Variants in MUSK observed in about 807,000 individuals in gnomAD.
MUSK encodes the protein muscle associated receptor tyrosine kinase, also known as muscle, skeletal receptor tyrosine-protein kinase.
In MUSK, 55 loss-of-function variants were observed where a neutral mutation model predicts 88.7. The observed-to-expected ratio is 0.62, with a 90% confidence interval of 0.50 to 0.78. The LOEUF (loss-of-function observed/expected upper bound fraction) is 0.78, where lower values mean the gene tolerates loss of function less well. Ranked by LOEUF, MUSK falls within the 30% of genes least tolerant of loss-of-function variation. The pLI, the probability that MUSK is intolerant of heterozygous loss-of-function variation, is 0.00. For missense variants in MUSK, 1,015 were observed against 1,074.3 expected (o/e 0.94, Z 0.77); for synonymous variants, 387 against 391.9 (o/e 0.99, Z 0.15).
intron 7 of MUSK, among the ~76,000 whole-genome samples, chr9:110,750,212 C>T (rs907300077): frequency 5.9e-5 from 9 of 152,094 alleles, no homozygotes; most frequent in Non-Finnish European, 1.2e-4. Context: ...AGGAGAGTCT[C>T]ATTTCAGGTC....
In MUSK at chr9:110,747,735, T is replaced by G; in HGVS notation, c.848T>G (p.Ile283Arg). Residue 283 changes from isoleucine (I) to arginine (R), a missense_variant, in exon 7 of 15, where the codon ATA (isoleucine) becomes AGA (arginine). By Grantham distance (97) the Ile-to-Arg change is moderately conservative. Transcript: ENST00000374448. ...FITKPGLYTC[I>R]ATNKHGEKFS... ...ACCAAGCCAGGACTCTACACATGCA[T>G]AGCTACCAATAAGCATGGGGAGAAG... 1 of 1,613,860 alleles carries G rather than the reference T, an allele frequency of 6.2e-7. No individual in the cohort carries two copies. The highest frequency in any genetic ancestry group is 8.5e-7 in the Non-Finnish European group (1 of 1,179,808).
chr9:110,689,986 TATA>T (rs1410963053), intron 3 of MUSK, among the ~76,000 whole-genome samples: 2 of 40,920 alleles, frequency 4.9e-5, no homozygotes, highest in African/African-American at 3.9e-4. Flanking sequence ...TTATAAATAT[TATA>T]ATTATATATT....
chr9:110,700,504 G>A (rs2076487369), intron 5 of MUSK, among the ~76,000 whole-genome samples: 1 of 152,040 alleles, frequency 6.6e-6, no homozygotes, highest in Admixed American at 6.6e-5. Context: ...TAGACAGGAG[G>A]TATTGACAAA....
chr9:110,785,633 T>C lies in MUSK; in HGVS notation c.1693T>C (p.Leu565=), dbSNP rs200787064. The C allele has an allele frequency of 6.9e-5, 111 of 1,613,306 alleles. No homozygotes were observed. The highest frequency in any genetic ancestry group is 2.9e-5 in the Non-Finnish European group (34 of 1,179,616). Residue 565 remains leucine, a synonymous_variant, in exon 13 of 15, where the codon TTG becomes CTG. Coordinates refer to ENST00000374448, the MANE Select transcript of MUSK (RefSeq NM_005592.4). The stretch of plus-strand genomic sequence containing the variant: ...GATGCCGCTCCTTCTGAACCCCAAA[T>C]TGCTCAGCCTGGAGTATCCAAGGAA... ...QRMPLLLNPK[L]LSLEYPRNNI... is the part of the protein sequence containing the mutation.
Position 110,800,449 on chromosome 9 carries a change from A to G in MUSK, c.2071A>G (p.Ser691Gly). The G allele has an allele frequency of 6.2e-7, 1 of 1,613,864 alleles. No individual in the cohort carries two copies. Among genetic ancestry groups the G allele is most frequent in the East Asian group, 2.2e-5 (1 of 44,838 alleles). Residue 691 changes from serine (S) to glycine (G), a missense_variant, in exon 15 of 15, where the codon AGC becomes GGC. Physicochemically the swap from Ser to Gly is moderately conservative, Grantham distance 56 (BLOSUM62 0). Coordinates refer to ENST00000374448, the MANE Select transcript of MUSK (RefSeq NM_005592.4). ...CTTGTCTATGAGGGCTCAGGTCTCC[A>G]GCCCTGGGCCCCCACCCCTCTCCTG... The part of the protein sequence containing the change: ...SDLSMRAQVS[S>G]PGPPPLSCAE...
At position 110,709,782 on chromosome 9, in the gene MUSK, A is replaced by T. The variant is rs569890531; in HGVS notation, c.628+12316A>T. On this transcript the variant is annotated intron_variant, in intron 5 of 14. Coordinates refer to ENST00000374448, the MANE Select transcript of MUSK (RefSeq NM_005592.4). ...GTATTAATTTTGGTTCTAGCAAAAG[A>T]ATAATAACCAACTTTAAATCTGCAA... 9.2e-5 allele frequency among the ~76,000 whole-genome samples: 14 copies of T among 152,306 alleles called. No homozygotes were observed. The South Asian group carries it at 2.9e-3, about 32-fold the overall frequency.
At chr9:110,704,150 T>C (rs1230479527) in intron 5 of MUSK, among the ~76,000 whole-genome samples, 1 of 152,248 alleles carries the variant, frequency 6.6e-6, no homozygotes, top group East Asian at 1.9e-4. Flanking sequence ...ATTTAACTTC[T>C]GACAATTTAT....
At chr9:110,776,792 A>G (rs1189449366) in intron 11 of MUSK, 137 bp downstream of exon 11, 6 of 701,450 alleles carry the variant, frequency 8.6e-6, no homozygotes, top group Middle Eastern at 2.5e-4. Context: ...ATACTCATCC[A>G]GGGTATAACA....
At chr9:110,683,731 C>G (rs553402636) in intron 2 of MUSK, among the ~76,000 whole-genome samples, 1 of 152,218 alleles carries the variant, frequency 6.6e-6, no homozygotes, top group Non-Finnish European at 1.5e-5. Flanking sequence ...CTCTGATGAT[C>G]AGTGATGTTG....
At chr9:110,681,061 A>ATAATATATTATATATTATATATAT in intron 1 of MUSK, among the ~76,000 whole-genome samples, 5 of 24,148 alleles carry the variant, frequency 2.1e-4, no homozygotes, top group Non-Finnish European at 2.9e-4. Context: ...TATATATTAT[A>ATAATATATTATATATTATATATAT]TATATAATAT....
chr9:110,682,654 G>T lies in MUSK; in HGVS notation c.80-20G>T, dbSNP rs755529672. On this transcript the variant is annotated intron_variant, in intron 1 of 14. Transcript: ENST00000374448. Reference sequence around the variant, plus strand: ...ACAAAATTCTAGAATGTTCTCTTTTGATTTCTCCTTTCCTTTCAGCTCCTG... The same window carrying T: ...ACAAAATTCTAGAATGTTCTCTTTTTATTTCTCCTTTCCTTTCAGCTCCTG... 5 of 1,608,350 alleles carry T rather than the reference G, an allele frequency of 3.1e-6. No homozygotes were observed. Among genetic ancestry groups the T allele is most frequent in the Non-Finnish European group, 4.2e-6 (5 of 1,177,134 alleles).
chr9:110,723,056 T>C (rs1321333023), intron 5 of MUSK, among the ~76,000 whole-genome samples: 1 of 152,034 alleles, frequency 6.6e-6, no homozygotes, highest in Non-Finnish European at 1.5e-5. Context: ...AAAGAAGTGA[T>C]TATACAAAAA....
chr9:110,770,517 T>C (rs973567559), intron 9 of MUSK, among the ~76,000 whole-genome samples: 9 of 147,296 alleles, frequency 6.1e-5, no homozygotes, highest in Non-Finnish European at 6.0e-5. Context: ...ATATATTATA[T>C]AGCTCACTAT....
At chr9:110,738,033 C>T (rs2077050383) in intron 6 of MUSK, among the ~76,000 whole-genome samples, 1 of 152,126 alleles carries the variant, frequency 6.6e-6, no homozygotes. Context: ...CTCCTGCTTA[C>T]AGCCCCTGCT....
intron 5 of MUSK, among the ~76,000 whole-genome samples, chr9:110,725,705 G>A (rs1483072138): frequency 2.6e-5 from 4 of 151,944 alleles, no homozygotes; most frequent in Non-Finnish European, 5.9e-5. Flanking sequence ...GGAAAATAAA[G>A]CAGCAACAAA....
rs796590211 is a variant in MUSK at position 110,694,385 on chromosome 9, C to CAAA, written c.359-999_359-997dup. Reference sequence around the variant, plus strand: ...TGGGCGACAGAGCGAGACTCCGTCTCAAAAAAAAAAAAAAAAAAAAACAAA... The same window carrying CAAA: ...TGGGCGACAGAGCGAGACTCCGTCTCAAAAAAAAAAAAAAAAAAAAAAAACAAA... On this transcript the variant is annotated intron_variant, in intron 3 of 14. Coordinates refer to ENST00000374448, the MANE Select transcript of MUSK (RefSeq NM_005592.4). 8.9e-4 allele frequency among the ~76,000 whole-genome samples: 46 copies of CAAA among 51,426 alleles called. 1 individual carries two copies. The highest frequency in any genetic ancestry group is 1.5e-3 in the East Asian group (2 of 1,342). The allele number at this position is 51,426 out of a possible 152,430, so 33.7% of individuals were successfully genotyped here. A position where few individuals can be genotyped will look rare whatever the true frequency, so the allele number is the denominator to read the frequency against.
intron 7 of MUSK, among the ~76,000 whole-genome samples, chr9:110,748,589 G>C (rs1303042427): frequency 6.6e-6 from 1 of 152,128 alleles, no homozygotes; most frequent in Non-Finnish European, 1.5e-5. Flanking sequence ...GGAAATGCCA[G>C]GCATATTAGA....
intron 11 of MUSK, among the ~76,000 whole-genome samples, chr9:110,780,234 C>T (rs2077730268): frequency 6.6e-6 from 1 of 151,972 alleles, no homozygotes; most frequent in African/African-American, 2.4e-5. Context: ...ATGTTTTCTC[C>T]ACTGCTAAGT....
chr9:110,677,412 T>A (rs936198610), intron 1 of MUSK, among the ~76,000 whole-genome samples: 1 of 152,210 alleles, frequency 6.6e-6, no homozygotes, highest in African/African-American at 2.4e-5. Context: ...TAACTTAACG[T>A]CTCGGCAGCA....
Sources: gnomAD v4.1 joint callset for allele counts (sites outside exome capture counted in the v4.1 genomes callset) on GRCh38, gnomAD v4.1.1 for gene constraint, MANE v1.5 for transcripts, NCBI Gene and HGNC (gene_info 2026-07-23, HGNC 2026-07-21) for gene names.